UPRT: variants seen among roughly 807,000 people sequenced by gnomAD.
UPRT encodes RP11-311P8.3.
In UPRT, 5 loss-of-function variants were observed where a neutral mutation model predicts 22.6. The ratio of observed to expected loss-of-function variants is 0.22; its 90% CI spans 0.12 to 0.47. The LOEUF is 0.47. Among genes scored for constraint, UPRT ranks in the 20% least tolerant of loss-of-function variants. UPRT has a pLI of 0.99. For missense variants in UPRT, 181 were observed against 239.9 expected (o/e 0.75, Z 1.62); for synonymous variants, 77 against 87.7 (o/e 0.88, Z 0.68).
intron 4 of UPRT, among the ~76,000 whole-genome samples, chrX:75,233,997 G>A (rs1479640863): frequency 9.0e-6 from 1 of 111,323 alleles, no homozygotes; most frequent in Non-Finnish European, 1.9e-5. Flanking sequence ...TGGCAAATTG[G>A]ATAAAGAGGC....
At chrX:75,279,448 G>C (rs1312193022) in intron 1 of UPRT, among the ~76,000 whole-genome samples, 1 of 111,414 alleles carries the variant, frequency 9.0e-6, no homozygotes. Context: ...CATTTACTGG[G>C]CATATCCTGG....
intron 4 of UPRT, among the ~76,000 whole-genome samples, chrX:75,214,225 T>G (rs2147629689): frequency 8.9e-6 from 1 of 112,374 alleles, no homozygotes; most frequent in East Asian, 2.8e-4. Flanking sequence ...GACTTCTAAA[T>G]AACACACGAG....
At chrX:75,202,143 G>A (rs2082348860) in intron 4 of UPRT, among the ~76,000 whole-genome samples, 1 of 111,385 alleles carries the variant, frequency 9.0e-6, no homozygotes. Context: ...AGTTAAGTTT[G>A]CTAAAAATAA....
chrX:75,229,362 A>G (rs1343094557), intron 4 of UPRT, among the ~76,000 whole-genome samples: 2 of 112,290 alleles, frequency 1.8e-5, no homozygotes, highest in African/African-American at 6.5e-5. Context: ...CATTAAAGAA[A>G]AAATTTTGAA....
chrX:75,161,730 C>G (rs757406122), intron 2 of UPRT, among the ~76,000 whole-genome samples: 12 of 111,783 alleles, frequency 1.1e-4, no homozygotes, highest in Non-Finnish European at 1.3e-4. Flanking sequence ...CATTAAAGAA[C>G]TTTCCCAAGA....
At chrX:75,195,796 G>C (rs962747777) in intron 4 of UPRT, among the ~76,000 whole-genome samples, 2 of 112,084 alleles carry the variant, frequency 1.8e-5, no homozygotes, top group Non-Finnish European at 3.8e-5. Flanking sequence ...TTCCTCTGAA[G>C]ATCTGCTAGG....
intron 4 of UPRT, among the ~76,000 whole-genome samples, chrX:75,239,239 G>T (rs1023742526): frequency 1.8e-5 from 2 of 111,309 alleles, no homozygotes; most frequent in African/African-American, 6.5e-5. Flanking sequence ...AAAGGAAGAA[G>T]ACCCTAATAA....
At chrX:75,272,004 C>T (rs952496466), upstream of UPRT, among the ~76,000 whole-genome samples, 4 of 110,036 alleles carry the variant, frequency 3.6e-5, no homozygotes, top group Non-Finnish European at 5.7e-5. Context: ...TAGATGTTGG[C>T]ATGGATGTGG....
chrX:75,253,391 A>C (rs2082538709), intron 4 of UPRT, among the ~76,000 whole-genome samples: 1 of 112,352 alleles, frequency 8.9e-6, no homozygotes. Flanking sequence ...AATGGCTATT[A>C]ATAAAAAGTC....
intron 1 of UPRT, 178 bp downstream of exon 1, chrX:75,274,818 C>A: frequency 2.6e-6 from 1 of 379,849 alleles, no homozygotes; most frequent in Non-Finnish European, 4.0e-6. Flanking sequence ...GTGTGTGTGT[C>A]GTGTAACTCG....
chrX:75,237,932 A>G (rs1243393212), intron 4 of UPRT, among the ~76,000 whole-genome samples: 1 of 111,087 alleles, frequency 9.0e-6, no homozygotes, highest in East Asian at 2.9e-4. Flanking sequence ...CATGTACCCT[A>G]AAAGTTAAAG....
intron 4 of UPRT, among the ~76,000 whole-genome samples, chrX:75,220,318 G>C (rs1323462439): frequency 2.7e-5 from 3 of 110,274 alleles, no homozygotes; most frequent in Non-Finnish European, 5.7e-5. Flanking sequence ...TGTGTCTCTT[G>C]TAGGCAACAG....
At chrX:75,177,184 G>A (rs923274298) in intron 4 of UPRT, among the ~76,000 whole-genome samples, 7 of 110,284 alleles carry the variant, frequency 6.3e-5, no homozygotes, top group Non-Finnish European at 1.1e-4. Flanking sequence ...CCAAGAACCC[G>A]CAATGGTCCC....
At chrX:75,192,331 C>A (rs5981797) in intron 4 of UPRT, among the ~76,000 whole-genome samples, 3,193 of 73,286 alleles carry the variant, frequency 0.044, 114 homozygotes, top group African/African-American at 0.11. Context: ...GTGTGATTGA[C>A]ATGATTTCAG....
At chrX:75,272,311 T>TAC (rs754807460), upstream of UPRT, among the ~76,000 whole-genome samples, 180 of 12,743 alleles carry the variant, frequency 0.014, 8 homozygotes, top group East Asian at 0.083. Flanking sequence ...TATATATATG[T>TAC]GTATATATAC....
intron 1 of UPRT, among the ~76,000 whole-genome samples, chrX:75,289,972 G>T (rs2082699706): frequency 8.9e-6 from 1 of 111,804 alleles, no homozygotes; most frequent in Admixed American, 9.5e-5. Context: ...AAACTAAAGA[G>T]CTTCTGCACA....
At chrX:75,167,961 G>A (rs1455507142) in intron 4 of UPRT, among the ~76,000 whole-genome samples, 1 of 111,579 alleles carries the variant, frequency 9.0e-6, no homozygotes, top group Admixed American at 9.5e-5. Flanking sequence ...TCAAAGCTAC[G>A]GGCTCAGTCA....
chrX:75,274,182 C>G lies in UPRT; in HGVS notation c.-73C>G. ...GGGAGCAACCGAGAGAGCACGTGAGCATCTGTCCTTTCTACCCGTTCCTCT... is the reference window on the plus strand; with the variant it reads ...GGGAGCAACCGAGAGAGCACGTGAGGATCTGTCCTTTCTACCCGTTCCTCT... On this transcript the variant is annotated 5_prime_UTR_variant, in exon 1 of 7. Transcript: ENST00000373383. 1.7e-6 allele frequency: 2 copies of G among 1,143,027 alleles called. No individual in the cohort carries two copies. Among genetic ancestry groups the G allele is most frequent in the African/African-American group, 3.6e-5 (2 of 55,681 alleles). The allele number at this position is 1,143,027 out of a possible 1,213,427, so 94.2% of individuals were successfully genotyped here.
chrX:75,273,150 G>A (rs1366303087), upstream of UPRT, among the ~76,000 whole-genome samples: 5 of 111,028 alleles, frequency 4.5e-5, no homozygotes, highest in Non-Finnish European at 9.4e-5. Flanking sequence ...ACATAGTGGG[G>A]AACAACACAC....
Sources: allele counts gnomAD v4.1 joint callset (sites outside exome capture counted in the v4.1 genomes callset), GRCh38; gene constraint gnomAD v4.1.1; transcripts MANE v1.5; gene names NCBI Gene and HGNC (gene_info 2026-07-23, HGNC 2026-07-21).